Variants in MARK1 observed in about 807,000 individuals in gnomAD.
MARK1 encodes serine/threonine-protein kinase MARK1.
A neutral mutation model predicts 96.3 loss-of-function variants in MARK1; 40 were observed. The observed-to-expected ratio is 0.42, with a 90% CI of 0.32 to 0.54. The LOEUF is 0.54. MARK1 is among the 20% of genes least tolerant of loss of function. MARK1 has a pLI of 0.16. For synonymous variants in MARK1, 317 were observed against 341.2 expected, an observed-to-expected ratio of 0.93 and a Z score of 0.78; for missense variants, 719 against 984.6, an observed-to-expected ratio of 0.73 and a Z score of 3.61.
At chr1:220,588,810 G>T (rs1483201616) in intron 3 of MARK1, among the ~76,000 whole-genome samples, 4 of 152,166 alleles carry the variant, frequency 2.6e-5, no homozygotes, top group South Asian at 2.1e-4. Context: ...GGAACTGCAT[G>T]TCACCTTCAG....
chr1:220,584,107 G>A (rs1371576913), intron 3 of MARK1, among the ~76,000 whole-genome samples: 1 of 152,162 alleles, frequency 6.6e-6, no homozygotes, highest in African/African-American at 2.4e-5. Context: ...CACATCAATT[G>A]ATGCAAAGAT....
Position 220,633,082 on chromosome 1 carries a change from G to A in MARK1, c.1122+769G>A, listed in dbSNP as rs1028223165. ...AGGTGAGAGGTGGGGGAGGTGCCAC[G>A]CTCTTTTAAATAACCAGATCTAGCG... On this transcript the variant is annotated intron_variant, in intron 11 of 17. Transcript: ENST00000366917. Among the ~76,000 whole-genome samples the A allele has an allele frequency of 3.9e-5, 6 of 152,060 alleles. No individual in the cohort carries two copies. The South Asian group carries it at 6.2e-4, about 16-fold the overall frequency.
intron 3 of MARK1, among the ~76,000 whole-genome samples, chr1:220,588,414 C>G (rs1456075754): frequency 6.6e-6 from 1 of 152,144 alleles, no homozygotes; most frequent in Non-Finnish European, 1.5e-5. Flanking sequence ...ATATTTCCTT[C>G]TATTACTTTG....
chr1:220,548,616 G>C (rs1352926527), intron 1 of MARK1, among the ~76,000 whole-genome samples: 1 of 152,122 alleles, frequency 6.6e-6, no homozygotes, highest in Non-Finnish European at 1.5e-5. Context: ...GTGGGCACCT[G>C]TAGTCCCAGC....
At chr1:220,558,121 A>C (rs1217401822) in intron 1 of MARK1, among the ~76,000 whole-genome samples, 3 of 144,564 alleles carry the variant, frequency 2.1e-5, no homozygotes, top group African/African-American at 7.6e-5. Flanking sequence ...CAACAGAGTG[A>C]GACCCTGTCT....
intron 1 of MARK1, among the ~76,000 whole-genome samples, chr1:220,570,737 T>G (rs1326514548): frequency 1.3e-5 from 2 of 152,316 alleles, no homozygotes; most frequent in Non-Finnish European, 1.5e-5. Flanking sequence ...TCTTCATTAT[T>G]ATCTTACTGT....
chr1:220,652,672 T>G (rs1572239794), intron 15 of MARK1, among the ~76,000 whole-genome samples: 1 of 152,234 alleles, frequency 6.6e-6, no homozygotes, highest in East Asian at 1.9e-4. Context: ...TAACCCTCTG[T>G]TAGATTTGTT....
chr1:220,643,347 A>G (rs1668387650), intron 13 of MARK1, among the ~76,000 whole-genome samples: 1 of 152,192 alleles, frequency 6.6e-6, no homozygotes, highest in South Asian at 2.1e-4. Flanking sequence ...ATCAGTTTGA[A>G]GACTGTCTTG....
chr1:220,631,173 C>A, intron 10 of MARK1, 39 bp downstream of exon 10: 1 of 1,430,450 alleles, frequency 7.0e-7, no homozygotes, highest in African/African-American at 1.4e-5. Flanking sequence ...TGTCCCTAGG[C>A]AACAAGTAAG....
rs73105476 is a variant in MARK1 at position 220,634,049 on chromosome 1, A to G, written c.1123-1327A>G. Among the ~76,000 whole-genome samples the G allele has an allele frequency of 2.3e-3, 347 of 152,334 alleles. 3 individuals carry two copies. The highest frequency in any genetic ancestry group is 7.8e-3 in the African/African-American group (324 of 41,574). On this transcript the variant is annotated intron_variant, in intron 11 of 17. Transcript: ENST00000366917. ...CTCCCAGTGAACCTACCAGGTAGGT[A>G]CTATTATAATGGAAGAGAATCTTTA...
intron 1 of MARK1, among the ~76,000 whole-genome samples, chr1:220,559,241 T>C (rs1379234929): frequency 6.6e-6 from 1 of 152,120 alleles, no homozygotes; most frequent in African/African-American, 2.4e-5. Context: ...TATCTGTTAG[T>C]AGGTTAGAAG....
chr1:220,612,727 A>G (rs963108615), intron 6 of MARK1, among the ~76,000 whole-genome samples: 9 of 152,258 alleles, frequency 5.9e-5, no homozygotes, highest in Non-Finnish European at 1.3e-4. Context: ...CTTAATGAAT[A>G]TACATTTACT....
chr1:220,599,265 C>CT (rs557503825), intron 4 of MARK1, among the ~76,000 whole-genome samples: 113 of 151,560 alleles, frequency 7.5e-4, no homozygotes, highest in African/African-American at 2.3e-3. Flanking sequence ...TTTTAAAACA[C>CT]TTTTTTTTGC....
At chr1:220,647,667 G>C (rs1228491073) in intron 13 of MARK1, among the ~76,000 whole-genome samples, 1 of 152,074 alleles carries the variant, frequency 6.6e-6, no homozygotes, top group Non-Finnish European at 1.5e-5. Context: ...TGATAGACTG[G>C]GTAAAGAAAA....
intron 1 of MARK1, among the ~76,000 whole-genome samples, chr1:220,551,232 C>T (rs1311460769): frequency 6.6e-6 from 1 of 152,206 alleles, no homozygotes; most frequent in African/African-American, 2.4e-5. Flanking sequence ...GACATGCCAG[C>T]AACATCAGCT....
chr1:220,572,285 A>G (rs1015066573), intron 1 of MARK1, among the ~76,000 whole-genome samples: 1 of 151,948 alleles, frequency 6.6e-6, no homozygotes, highest in African/African-American at 2.4e-5. Context: ...CTTTTTGCCC[A>G]GGCTGGAGTA....
intron 1 of MARK1, among the ~76,000 whole-genome samples, chr1:220,541,874 T>G (rs768920922): frequency 5.9e-5 from 9 of 152,268 alleles, no homozygotes; most frequent in Non-Finnish European, 1.3e-4. Context: ...TTAATCCATC[T>G]TCATTTGGTG....
Position 220,579,438 on chromosome 1 carries a change from T to TC in MARK1, c.138dup (p.Ile47HisfsTer7). On this transcript the variant is annotated frameshift_variant, in exon 2 of 18. Transcript: ENST00000366917. LOFTEE classifies it high-confidence loss of function. ...ACAGAACATCCCCCGGTGTAGAAAC[T>TC]CCATTACGTCAGCAACAGATGAACA... is the stretch of plus-strand genomic sequence containing the variant. 1.9e-6 allele frequency: 3 copies of TC among 1,613,978 alleles called. No individual in the cohort carries two copies. Among genetic ancestry groups the TC allele is most frequent in the Non-Finnish European group, 2.5e-6 (3 of 1,179,954 alleles).
intron 1 of MARK1, among the ~76,000 whole-genome samples, chr1:220,573,559 G>A (rs1195764980): frequency 1.3e-5 from 2 of 152,108 alleles, no homozygotes; most frequent in African/African-American, 2.4e-5. Flanking sequence ...TCCTGACCTC[G>A]TGATCCACCC....
Sources: allele counts gnomAD v4.1 joint callset (sites outside exome capture counted in the v4.1 genomes callset), GRCh38; gene constraint gnomAD v4.1.1; transcripts MANE v1.5; gene names NCBI Gene and HGNC (gene_info 2026-07-23, HGNC 2026-07-21).